The following INSL6 variants were observed in gnomAD, a reference collection of about 807,000 sequenced individuals.
INSL6 encodes the protein insulin-like peptide INSL6.
INSL6 carries 16 observed loss-of-function variants against 9.4 expected under a neutral mutation model. The observed-to-expected ratio is 1.70, with a 90% confidence interval of 1.15 to 2.59. INSL6 has a LOEUF of 2.59. Ranked by LOEUF, INSL6 falls within the 30% of genes most tolerant of loss-of-function variation. The pLI, the probability that INSL6 is intolerant of heterozygous loss-of-function variation, is 0.00. For synonymous variants in INSL6, 154 were observed against 96.9 expected, an observed-to-expected ratio of 1.59 and a Z score of -3.46; for missense variants, 391 against 257.3, an observed-to-expected ratio of 1.52 and a Z score of -3.56.
At chr9:5,041,793 A>G in the INSL6 span, 1 of 486,688 alleles carries the variant, frequency 2.1e-6, no homozygotes, top group Non-Finnish European at 4.1e-6. Flanking sequence ...GCTTCGGGAC[A>G]AAGATCAGCC....
chr9:5,010,268 A>G, the INSL6 span, among the ~76,000 whole-genome samples: 2 of 151,160 alleles, frequency 1.3e-5, no homozygotes, highest in Non-Finnish European at 2.9e-5. Context: ...TTTTACTTTT[A>G]TATCTATTTT....
At chr9:5,029,808 G>A in the INSL6 span, 2 of 1,611,036 alleles carry the variant, frequency 1.2e-6, no homozygotes, top group Non-Finnish European at 8.5e-7. Context: ...ATCATAATAT[G>A]TTTGCTTTAA....
At chr9:5,072,618 T>C in the INSL6 span, 2 of 1,599,810 alleles carry the variant, frequency 1.3e-6, no homozygotes, top group Non-Finnish European at 1.7e-6. Flanking sequence ...ACACAGAAAC[T>C]ATTCAGAGGT....
the INSL6 span, among the ~76,000 whole-genome samples, chr9:5,027,549 T>C: frequency 6.6e-6 from 1 of 152,140 alleles, no homozygotes; most frequent in Non-Finnish European, 1.5e-5. Context: ...AATAAGACAA[T>C]GAAGGTTGCT....
chr9:5,065,121 G>A, the INSL6 span: 13 of 852,262 alleles, frequency 1.5e-5, no homozygotes, highest in East Asian at 3.1e-5. Context: ...AGTGATACAT[G>A]TATGTTTAGA....
the INSL6 span, among the ~76,000 whole-genome samples, chr9:5,102,415 A>T: frequency 6.6e-6 from 1 of 152,260 alleles, no homozygotes; most frequent in African/African-American, 2.4e-5. Flanking sequence ...TCTACATTTG[A>T]TTGTTGTACC....
At chr9:5,152,713 G>C (rs1401158511) in intron 2 of INSL6, among the ~76,000 whole-genome samples, 2 of 152,204 alleles carry the variant, frequency 1.3e-5, no homozygotes, top group African/African-American at 4.8e-5. Context: ...GAGAATATCA[G>C]TAAAGGCAAA....
At chr9:5,135,526 G>T (rs978501827) in intron 2 of INSL6, among the ~76,000 whole-genome samples, 7 of 151,960 alleles carry the variant, frequency 4.6e-5, no homozygotes, top group African/African-American at 1.7e-4. Context: ...TGACTACTGG[G>T]GTAAATAACA....
the INSL6 span, among the ~76,000 whole-genome samples, chr9:5,005,538 A>G: frequency 5.3e-5 from 8 of 152,150 alleles, no homozygotes; most frequent in African/African-American, 9.7e-5. Flanking sequence ...GTATTCTTTT[A>G]AAGTGTTATT....
chr9:5,037,137 C>G, the INSL6 span, among the ~76,000 whole-genome samples: 5 of 152,122 alleles, frequency 3.3e-5, no homozygotes, highest in Admixed American at 3.3e-4. Context: ...CAGAGAAATG[C>G]AAATCAAAAC....
chr9:5,019,867 G>A, the INSL6 span, among the ~76,000 whole-genome samples: 4 of 152,192 alleles, frequency 2.6e-5, no homozygotes, highest in Non-Finnish European at 5.9e-5. Flanking sequence ...AGGCTGTGGT[G>A]AACTTTTGCT....
At chr9:5,073,651 T>C in the INSL6 span, 3 of 1,381,104 alleles carry the variant, frequency 2.2e-6, no homozygotes, top group African/African-American at 2.9e-5. Context: ...GAACTATTTA[T>C]GGACAACAGT....
At chr9:5,161,419 G>A (rs970335468), downstream of INSL6, among the ~76,000 whole-genome samples, 2 of 152,072 alleles carry the variant, frequency 1.3e-5, no homozygotes, top group Admixed American at 1.3e-4. Flanking sequence ...AGTATAGAAG[G>A]AACATACCTC....
At chr9:5,108,434 A>G in the INSL6 span, 1 of 152,088 alleles carries the variant, frequency 6.6e-6, no homozygotes, top group Admixed American at 6.5e-5. Flanking sequence ...TAAATACTTC[A>G]GATTCTCTAA....
the INSL6 span, among the ~76,000 whole-genome samples, chr9:5,067,691 A>C: frequency 6.6e-6 from 1 of 152,058 alleles, no homozygotes; most frequent in African/African-American, 2.4e-5. Flanking sequence ...TGTATGTGCC[A>C]AGCCTAATAT....
intron 1 of INSL6, among the ~76,000 whole-genome samples, chr9:5,180,666 C>A (rs887491605): frequency 6.6e-6 from 1 of 152,150 alleles, no homozygotes; most frequent in Non-Finnish European, 1.5e-5. Context: ...AATTTGTGGT[C>A]AGACTGGTTC....
intron 1 of INSL6, among the ~76,000 whole-genome samples, chr9:5,182,296 T>C (rs1825474601): frequency 8.0e-6 from 1 of 125,688 alleles, no homozygotes; most frequent in African/African-American, 3.9e-5. Flanking sequence ...CTTTTAGATA[T>C]ATCTTAAAAC....
At chr9:5,020,703 C>G in the INSL6 span, among the ~76,000 whole-genome samples, 1 of 152,162 alleles carries the variant, frequency 6.6e-6, no homozygotes, top group Admixed American at 6.5e-5. Context: ...AGCTTGTCCT[C>G]AGGGCACATA....
At chr9:5,159,285 C>G (rs1356729721), downstream of INSL6, among the ~76,000 whole-genome samples, 4 of 151,792 alleles carry the variant, frequency 2.6e-5, no homozygotes, top group African/African-American at 7.3e-5. Flanking sequence ...GGAATAAGTC[C>G]TTACTTGTCA....
Sources: allele counts gnomAD v4.1 joint callset (sites outside exome capture counted in the v4.1 genomes callset), GRCh38; gene constraint gnomAD v4.1.1; transcripts MANE v1.5; gene names NCBI Gene and HGNC (gene_info 2026-07-23, HGNC 2026-07-21).